MADCAM1: variants seen among roughly 807,000 people sequenced by gnomAD.
MADCAM1 encodes mucosal addressin cell adhesion molecule 1.
MADCAM1 carries 19 observed loss-of-function variants against 26.1 expected under a neutral mutation model. That is an observed-to-expected ratio of 0.73 (90% CI 0.51 to 1.07). The LOEUF (loss-of-function observed/expected upper bound fraction) is 1.07, where lower values mean the gene tolerates loss of function less well. MADCAM1 is among the 50% of genes least tolerant of loss of function. MADCAM1 has a pLI of 0.00. For synonymous variants in MADCAM1, 268 were observed against 260.9 expected, an observed-to-expected ratio of 1.03 and a Z score of -0.26; for missense variants, 514 against 542.1, an observed-to-expected ratio of 0.95 and a Z score of 0.51.
intron 1 of MADCAM1, 40 bp downstream of exon 1, chr19:496,591 G>C (rs1180135442): frequency 1.6e-6 from 2 of 1,231,194 alleles, no homozygotes; most frequent in Non-Finnish European, 2.1e-6. Flanking sequence ...GAGTGAGTTA[G>C]GAGGGGGCTC....
intron 2 of MADCAM1, 51 bp from the exon 3 acceptor site, chr19:498,445 C>T: frequency 4.9e-6 from 7 of 1,420,988 alleles, no homozygotes; most frequent in East Asian, 2.7e-5. Context: ...CCCTCCATCA[C>T]GTCCAGCCCT....
At chr19:501,050 G>A (rs148386160) in intron 3 of MADCAM1, among the ~76,000 whole-genome samples, 25 of 152,114 alleles carry the variant, frequency 1.6e-4, no homozygotes, top group South Asian at 6.2e-4. Flanking sequence ...TTAGCTGGGC[G>A]TGGTATTGCA....
intron 3 of MADCAM1, chr19:499,787 T>C (rs977077079): frequency 4.4e-6 from 2 of 456,260 alleles, no homozygotes; most frequent in African/African-American, 2.0e-5. Flanking sequence ...TGAAGACATT[T>C]AATGTGGGCC....
intron 4 of MADCAM1, among the ~76,000 whole-genome samples, chr19:504,452 A>G (rs1978512394): frequency 6.6e-6 from 1 of 151,946 alleles, no homozygotes; most frequent in Non-Finnish European, 1.5e-5. Context: ...TAGTAGGCAC[A>G]GGGTTTCACC....
chr19:500,337 C>A (rs915583936), intron 3 of MADCAM1, among the ~76,000 whole-genome samples: 2 of 152,196 alleles, frequency 1.3e-5, no homozygotes, highest in African/African-American at 2.4e-5. Context: ...GGACTCCCAT[C>A]CTGCCCACTG....
At chr19:501,969 C>G in intron 4 of MADCAM1, 40 bp downstream of exon 4, 2 of 1,453,084 alleles carry the variant, frequency 1.4e-6, no homozygotes, top group Non-Finnish European at 1.8e-6. Context: ...GTGGGAAGGG[C>G]TGAGAGCGAG....
intron 4 of MADCAM1, among the ~76,000 whole-genome samples, chr19:502,945 G>A (rs1978411786): frequency 6.6e-6 from 1 of 152,192 alleles, no homozygotes; most frequent in Non-Finnish European, 1.5e-5. Flanking sequence ...ATTTGAGGAA[G>A]CAGTAACATT....
chr19:500,169 G>A (rs759931563), intron 3 of MADCAM1: 7 of 456,122 alleles, frequency 1.5e-5, no homozygotes, highest in South Asian at 6.2e-5. Flanking sequence ...AACTCTCCTC[G>A]TCCACAGCCC....
At chr19:500,283 C>T (rs1232116036) in intron 3 of MADCAM1, 2 of 413,362 alleles carry the variant, frequency 4.8e-6, no homozygotes, top group African/African-American at 2.0e-5. Context: ...ATTAAGGAGG[C>T]TGCTGGGGTG....
intron 4 of MADCAM1, among the ~76,000 whole-genome samples, chr19:503,417 T>TA (rs373926096): frequency 6.7e-6 from 1 of 149,748 alleles, no homozygotes; most frequent in Non-Finnish European, 1.5e-5. Context: ...CCGTCTCCAC[T>TA]AAAAATACAA....
intron 4 of MADCAM1, among the ~76,000 whole-genome samples, chr19:503,709 T>A (rs1219254601): frequency 6.6e-6 from 1 of 151,116 alleles, no homozygotes; most frequent in East Asian, 2.0e-4. Context: ...GAGGCTGCAG[T>A]GAGCTGAGAT....
rs1259460676 is a variant in MADCAM1, at chr19:498,125, G to A, written c.337+8G>A. On this transcript the variant is annotated splice_region_variant and intron_variant, in intron 2 of 4. Coordinates refer to ENST00000215637, the MANE Select transcript of MADCAM1 (RefSeq NM_130760.3). ...TGCAGCTCCTTGTGTACGGTGAGGC[G>A]TCCCCCCGCGCCCTGCCTCTCTGAC... 9 of 1,316,168 alleles carry A rather than the reference G, an allele frequency of 6.8e-6. No individual in the cohort carries two copies. The highest frequency in any genetic ancestry group is 2.1e-5 in the South Asian group (1 of 48,098). The allele number at this position is 1,316,168 out of a possible 1,614,324, so 81.5% of individuals were successfully genotyped here. A position where few individuals can be genotyped will look rare whatever the true frequency, so the allele number is the denominator to read the frequency against.
At chr19:504,486 C>G (rs1978513595) in intron 4 of MADCAM1, among the ~76,000 whole-genome samples, 1 of 152,104 alleles carries the variant, frequency 6.6e-6, no homozygotes, top group Non-Finnish European at 1.5e-5. Context: ...TCTCGAACTC[C>G]TGACCTCGTG....
At chr19:498,391 C>T (rs1978296426) in intron 2 of MADCAM1, 105 bp from the exon 3 acceptor site, 1 of 1,219,586 alleles carries the variant, frequency 8.2e-7, no homozygotes, top group African/African-American at 1.6e-5. Flanking sequence ...TCAGCAGCCC[C>T]CACGCATCCT....
chr19:499,177 T>G lies in MADCAM1; in HGVS notation c.667+352T>G, dbSNP rs886283636. The G allele has an allele frequency of 1.2e-5, 6 of 515,440 alleles. 2 individuals are homozygous for G. The Admixed American group carries it at 1.4e-4, about 12-fold the overall frequency. The allele number at this position is 515,440 out of a possible 1,614,324, so 31.9% of individuals were successfully genotyped here. ...TCATTCTGCTGCAGCCACACGGGCCTCCTCGCCTCCTCGCTGTTCCTCCAA... is the reference window on the plus strand; with the variant it reads ...TCATTCTGCTGCAGCCACACGGGCCGCCTCGCCTCCTCGCTGTTCCTCCAA... On this transcript the variant is annotated intron_variant, in intron 3 of 4. Coordinates refer to ENST00000215637, the MANE Select transcript of MADCAM1 (RefSeq NM_130760.3).
rs1390236930 is a variant in MADCAM1 at position 503,566 on chromosome 19, A to G, written c.929-1179A>G. On this transcript the variant is annotated intron_variant, in intron 4 of 4. Transcript: ENST00000215637. ...ACTGCACTCCAACCTGGGAGACAGC[A>G]AGACTCCGTCTCAAAAAAAAAAAAA... 9.3e-5 allele frequency among the ~76,000 whole-genome samples: 13 copies of G among 140,244 alleles called. No homozygotes were observed. The South Asian group carries it at 1.5e-3, about 16-fold the overall frequency. The allele number at this position is 140,244 out of a possible 152,430, so 92.0% of individuals were successfully genotyped here.
intron 3 of MADCAM1, 98 bp from the exon 4 acceptor site, chr19:501,571 G>A: frequency 7.4e-7 from 1 of 1,344,964 alleles, no homozygotes; most frequent in Non-Finnish European, 1.0e-6. Flanking sequence ...GCTTGGAGGG[G>A]TTCTGGTCCA....
chr19:504,785 G>A lies in MADCAM1; in HGVS notation c.969G>A (p.Trp323Ter), dbSNP rs1978529060. The change falls in exon 5 of 5, where the codon TGG becomes TGA. Residue 323 changes from tryptophan (W) to a stop codon, truncating the protein, a stop_gained. Transcript: ENST00000215637. LOFTEE classifies it low-confidence loss of function (END_TRUNC). ...PAGDQLPAAL[W>*]TSSAVLGLLL... Reference sequence around the variant, plus strand: ...GTGACCAGCTGCCCGCGGCTCTGTGGACCAGCAGTGCGGTGCTGGGACTGC... The same window carrying A: ...GTGACCAGCTGCCCGCGGCTCTGTGAACCAGCAGTGCGGTGCTGGGACTGC... 6.2e-7 allele frequency: 1 copy of A among 1,611,302 alleles called. No individual in the cohort carries two copies. Among genetic ancestry groups the A allele is most frequent in the African/African-American group, 1.3e-5 (1 of 74,884 alleles).
Position 505,050 on chromosome 19 carries a change from C to A in MADCAM1, c.*85C>A. On this transcript the variant is annotated 3_prime_UTR_variant, in exon 5 of 5. Transcript: ENST00000215637. ...GGTCAGGGCAAACCTGCCTCCCATT[C>A]TACTCAAAGTCATCCCTCTGTTCAC... The A allele has an allele frequency of 1.0e-6, 1 of 969,816 alleles. No homozygotes were observed. Among genetic ancestry groups the A allele is most frequent in the Non-Finnish European group, 1.5e-6 (1 of 668,548 alleles). The allele number at this position is 969,816 out of a possible 1,614,324, so 60.1% of individuals were successfully genotyped here.
Sources: allele counts gnomAD v4.1 joint callset (sites outside exome capture counted in the v4.1 genomes callset), GRCh38; gene constraint gnomAD v4.1.1; transcripts MANE v1.5; gene names NCBI Gene and HGNC (gene_info 2026-07-23, HGNC 2026-07-21).